DNAH7: variants seen among roughly 807,000 people sequenced by gnomAD.
The protein encoded by DNAH7 is dynein axonemal heavy chain 7.
In DNAH7, 397 loss-of-function variants were observed where a neutral mutation model predicts 444.6. That is an observed-to-expected ratio of 0.89 (90% CI 0.82 to 0.97). The LOEUF (loss-of-function observed/expected upper bound fraction) is 0.97. Ranked by LOEUF, DNAH7 falls within the 50% of genes least tolerant of loss-of-function variation. DNAH7 has a pLI of 0.00. For synonymous variants in DNAH7, 1,636 were observed against 1,624.4 expected, an observed-to-expected ratio of 1.01 and a Z score of -0.17; for missense variants, 4,902 against 4,800.8, an observed-to-expected ratio of 1.02 and a Z score of -0.62.
intron 36 of DNAH7, 26 bp downstream of exon 36, chr2:195,881,767 TTA>T (rs1413751593): frequency 1.3e-6 from 2 of 1,596,790 alleles, no homozygotes; most frequent in African/African-American, 2.7e-5. Context: ...TATGCACAGT[TTA>T]ATACGCAGAT....
At chr2:195,917,507 C>G (rs770028977) in intron 24 of DNAH7, among the ~76,000 whole-genome samples, 8 of 152,234 alleles carry the variant, frequency 5.3e-5, no homozygotes, top group African/African-American at 1.9e-4. Flanking sequence ...ACTTGTCTTT[C>G]AAGTTGTCCA....
chr2:195,954,575 T>C (rs1408374571), intron 19 of DNAH7, among the ~76,000 whole-genome samples: 1 of 152,250 alleles, frequency 6.6e-6, no homozygotes, highest in Non-Finnish European at 1.5e-5. Flanking sequence ...ATGGTATTTC[T>C]AGTTCTAGAT....
intron 12 of DNAH7, among the ~76,000 whole-genome samples, chr2:195,996,541 T>C (rs756603191): frequency 6.6e-6 from 1 of 151,974 alleles, no homozygotes; most frequent in African/African-American, 2.4e-5. Context: ...TTCTCCTGCC[T>C]CAGCCTCCTG....
chr2:195,978,902 A>AC (rs1316528502), intron 15 of DNAH7, among the ~76,000 whole-genome samples: 1 of 152,196 alleles, frequency 6.6e-6, no homozygotes, highest in African/African-American at 2.4e-5. Context: ...GGCACCCAAC[A>AC]CTGGAGCACC....
intron 28 of DNAH7, among the ~76,000 whole-genome samples, chr2:195,899,284 T>A (rs1686545330): frequency 6.6e-6 from 1 of 152,232 alleles, no homozygotes; most frequent in South Asian, 2.1e-4. Flanking sequence ...GGCCAGAACA[T>A]TCAACAATTC....
chr2:195,779,980 T>A (rs1026563985), intron 58 of DNAH7, among the ~76,000 whole-genome samples: 3 of 152,214 alleles, frequency 2.0e-5, no homozygotes, highest in Non-Finnish European at 4.4e-5. Flanking sequence ...TTTGTGGAAA[T>A]ATTTTTTCTA....
At chr2:195,971,067 A>C (rs1691806302) in intron 16 of DNAH7, among the ~76,000 whole-genome samples, 1 of 152,258 alleles carries the variant, frequency 6.6e-6, no homozygotes, top group African/African-American at 2.4e-5. Context: ...AAAATCTGAT[A>C]TACCCTTAAT....
chr2:195,813,416 A>G (rs1294095228), intron 51 of DNAH7, among the ~76,000 whole-genome samples: 2 of 152,230 alleles, frequency 1.3e-5, no homozygotes. Flanking sequence ...TCTTTCTCAA[A>G]GACCCAGAAG....
intron 58 of DNAH7, among the ~76,000 whole-genome samples, chr2:195,780,026 T>C (rs1451134651): frequency 2.0e-5 from 3 of 152,212 alleles, no homozygotes; most frequent in South Asian, 2.1e-4. Flanking sequence ...TGTTCTTTAG[T>C]GTATAGAATT....
intron 24 of DNAH7, among the ~76,000 whole-genome samples, chr2:195,913,697 T>C (rs954022401): frequency 6.8e-6 from 1 of 147,524 alleles, no homozygotes; most frequent in African/African-American, 2.6e-5. Flanking sequence ...TCCATCCACA[T>C]GTTTTTGTTG....
chr2:195,935,717 G>C (rs1689003943), intron 20 of DNAH7, among the ~76,000 whole-genome samples: 1 of 152,128 alleles, frequency 6.6e-6, no homozygotes, highest in Non-Finnish European at 1.5e-5. Flanking sequence ...TGAGCATGGA[G>C]GGAGCTGCCT....
intron 19 of DNAH7, among the ~76,000 whole-genome samples, chr2:195,955,123 G>A (rs1486036199): frequency 2.0e-5 from 3 of 152,154 alleles, no homozygotes; most frequent in Non-Finnish European, 4.4e-5. Context: ...GAATGGTATT[G>A]CCTAGGTTTT....
At chr2:196,053,554 G>C (rs1575111001) in intron 2 of DNAH7, among the ~76,000 whole-genome samples, 1 of 152,330 alleles carries the variant, frequency 6.6e-6, no homozygotes, top group East Asian at 1.9e-4. Flanking sequence ...AGAGTCAGCA[G>C]TGAGGCTAGT....
intron 57 of DNAH7, among the ~76,000 whole-genome samples, chr2:195,787,882 G>C (rs1387319780): frequency 6.6e-6 from 1 of 152,074 alleles, no homozygotes; most frequent in Admixed American, 6.5e-5. Context: ...GGAGAGTGTG[G>C]GCTGAGAATG....
intron 48 of DNAH7, among the ~76,000 whole-genome samples, chr2:195,824,800 T>C (rs1697644965): frequency 6.6e-6 from 1 of 152,174 alleles, no homozygotes; most frequent in Non-Finnish European, 1.5e-5. Context: ...CAGTTGTAGT[T>C]ATTTAAATTG....
At chr2:195,880,446 A>G (rs1701311377) in intron 36 of DNAH7, among the ~76,000 whole-genome samples, 1 of 150,506 alleles carries the variant, frequency 6.6e-6, no homozygotes, top group Non-Finnish European at 1.5e-5. Context: ...CTCCTGCCTC[A>G]GCCACCTGAG....
At chr2:195,876,787 C>A (rs551103697) in intron 36 of DNAH7, 88 bp from the exon 37 acceptor site, 2 of 861,412 alleles carry the variant, frequency 2.3e-6, no homozygotes, top group Non-Finnish European at 3.6e-6. Context: ...CTGATAGACT[C>A]GAATTTAACC....
At position 195,796,668 on chromosome 2, in the gene DNAH7, A is replaced by C. The variant is rs777941465; in HGVS notation, c.10423T>G (p.Leu3475Val). 6.2e-5 allele frequency: 100 copies of C among 1,614,058 alleles called. No individual in the cohort carries two copies. The highest frequency in any genetic ancestry group is 2.0e-4 in the South Asian group (18 of 91,088). ...GTTCCTTCCTTGACAGCTTTTTCTA[A>C]CATCTTCATAGCAATGGGCCCTTGG... Reference protein sequence around the residue: ...QGQGPIAMKMLEKAVKEGTWV... With the variant: ...QGQGPIAMKMVEKAVKEGTWV... Residue 3475 changes from leucine to valine, a missense_variant, in exon 56 of 65, where the codon TTA becomes GTA. Coordinates refer to ENST00000312428, the MANE Select transcript of DNAH7 (RefSeq NM_018897.3).
chr2:195,777,903 G>A lies in DNAH7; in HGVS notation c.10961C>T (p.Thr3654Met), dbSNP rs373822825. ...GRVTDDWDRR[T>M]LRSILNKFFN... ...GAATTTGTTTAGAATGCTGCGCAGC[G>A]TGCGCCGGTCCCAGTCATCGGTCAC... Residue 3654 changes from threonine to methionine, a missense_variant, in exon 59 of 65, where the codon ACG (threonine) becomes ATG (methionine). Physicochemically the swap from Thr to Met is moderately conservative, Grantham distance 81. Coordinates refer to ENST00000312428, the MANE Select transcript of DNAH7 (RefSeq NM_018897.3). 40 of 1,613,992 alleles carry A rather than the reference G, an allele frequency of 2.5e-5. No homozygotes were observed. Among genetic ancestry groups the A allele is most frequent in the Non-Finnish European group, 3.1e-5 (37 of 1,180,000 alleles).
Sources: gnomAD v4.1 joint callset for allele counts (sites outside exome capture counted in the v4.1 genomes callset) on GRCh38, gnomAD v4.1.1 for gene constraint, MANE v1.5 for transcripts, NCBI Gene and HGNC (gene_info 2026-07-23, HGNC 2026-07-21) for gene names.